Variants in CNTNAP5 observed in about 807,000 individuals in gnomAD.
CNTNAP5 encodes contactin-associated protein-like 5.
In CNTNAP5, 72 loss-of-function variants were observed where a neutral mutation model predicts 150.2. The observed-to-expected ratio is 0.48, with a 90% CI of 0.40 to 0.58. The LOEUF is 0.58. CNTNAP5 is among the 20% of genes least tolerant of loss of function. The probability of loss-of-function intolerance (pLI) is 0.00; values close to 1 mark genes in which losing one functional copy is unlikely to be tolerated. For missense variants in CNTNAP5, 1,636 were observed against 1,626.2 expected, an observed-to-expected ratio of 1.01 and a Z score of -0.10; for synonymous variants, 672 against 619.8, an observed-to-expected ratio of 1.08 and a Z score of -1.25.
chr2:124,567,458 C>G (rs1696049885), intron 11 of CNTNAP5, among the ~76,000 whole-genome samples: 2 of 152,134 alleles, frequency 1.3e-5, no homozygotes, highest in South Asian at 4.1e-4. Context: ...GCAGCTTTCC[C>G]ATATGAAGAG....
chr2:124,246,411 C>G (rs1687029849), intron 3 of CNTNAP5, among the ~76,000 whole-genome samples: 1 of 152,094 alleles, frequency 6.6e-6, no homozygotes, highest in South Asian at 2.1e-4. Flanking sequence ...ACTAAATAAT[C>G]AGGCATGAAG....
chr2:124,257,563 ATC>A (rs1254644071), intron 3 of CNTNAP5, among the ~76,000 whole-genome samples: 8 of 152,272 alleles, frequency 5.3e-5, no homozygotes, highest in African/African-American at 1.9e-4. Context: ...ATCTTTCAAG[ATC>A]TAGTTCAGCT....
intron 8 of CNTNAP5, among the ~76,000 whole-genome samples, chr2:124,523,424 G>A (rs1290216809): frequency 1.3e-5 from 2 of 152,130 alleles, no homozygotes; most frequent in African/African-American, 4.8e-5. Context: ...TTCTCAGCAA[G>A]CACTTTACAC....
intron 3 of CNTNAP5, among the ~76,000 whole-genome samples, chr2:124,321,653 G>A (rs1306848591): frequency 3.3e-5 from 5 of 152,054 alleles, no homozygotes; most frequent in Admixed American, 3.3e-4. Context: ...ATCTTGCAGT[G>A]GTGGTCTAGA....
At chr2:124,154,190 T>C (rs988956784) in intron 1 of CNTNAP5, among the ~76,000 whole-genome samples, 3 of 152,174 alleles carry the variant, frequency 2.0e-5, no homozygotes, top group Non-Finnish European at 4.4e-5. Flanking sequence ...GTGGGCCCTT[T>C]TGAGCCAGAA....
At chr2:124,633,694 G>T (rs1335171323) in intron 12 of CNTNAP5, among the ~76,000 whole-genome samples, 2 of 152,216 alleles carry the variant, frequency 1.3e-5, no homozygotes, top group Non-Finnish European at 2.9e-5. Flanking sequence ...CACTGCCCTA[G>T]TAGAGCTTCT....
intron 13 of CNTNAP5, among the ~76,000 whole-genome samples, chr2:124,714,933 C>T (rs1679913224): frequency 6.6e-6 from 1 of 152,156 alleles, no homozygotes; most frequent in Non-Finnish European, 1.5e-5. Context: ...ATCTTTTCAG[C>T]AGAACTCCAG....
chr2:124,911,062 G>A (rs1432430756), intron 22 of CNTNAP5, among the ~76,000 whole-genome samples: 4 of 151,644 alleles, frequency 2.6e-5, no homozygotes, highest in East Asian at 2.0e-4. Context: ...CAGCACTTTT[G>A]TTCTTTACTG....
In CNTNAP5 at chr2:124,221,735, T is replaced by C; in HGVS notation, c.113T>C (p.Leu38Pro). The stretch of plus-strand genomic sequence containing the variant: ...TGTGATGATCCACTAGCATCCCTGC[T>C]CTCTCCAATGGCTTTTTCCAGTTCC... ...YNCDDPLASL[L>P]SPMAFSSSSD... The change falls in exon 2 of 24, where the codon CTC becomes CCC. Residue 38 changes from leucine to proline, a missense_variant. Leu to Pro is a moderately conservative substitution (Grantham distance 98). Coordinates refer to ENST00000682447, the MANE Select transcript of CNTNAP5 (RefSeq NM_001367498.1). 6.2e-7 allele frequency: 1 copy of C among 1,611,734 alleles called. No homozygotes were observed. The highest frequency in any genetic ancestry group is 8.5e-7 in the Non-Finnish European group (1 of 1,178,696).
Position 124,446,904 on chromosome 2 carries a change from G to T in CNTNAP5, c.885G>T (p.Lys295Asn). 6.2e-7 allele frequency: 1 copy of T among 1,613,862 alleles called. No homozygotes were observed. Among genetic ancestry groups the T allele is most frequent in the South Asian group, 1.1e-5 (1 of 91,076 alleles). The change falls in exon 6 of 24, where the codon AAG becomes AAT. Residue 295 changes from lysine to asparagine, a missense_variant. Physicochemically the swap from Lys to Asn is moderately conservative, Grantham distance 94 (BLOSUM62 0). Transcript: ENST00000682447. The stretch of plus-strand genomic sequence containing the variant: ...AGCACACACAGCACTTCCGCACCAA[G>T]GGCGAGACGGATGCCTTAGACATTG... ...VDKHTQHFRT[K>N]GETDALDIDY...
chr2:124,221,144 T>C (rs186862323), intron 1 of CNTNAP5, among the ~76,000 whole-genome samples: 2 of 152,312 alleles, frequency 1.3e-5, no homozygotes, highest in East Asian at 3.9e-4. Flanking sequence ...TATTCACTAC[T>C]GCTTCACGGA....
intron 21 of CNTNAP5, among the ~76,000 whole-genome samples, chr2:124,898,249 A>G (rs1678346936): frequency 6.6e-6 from 1 of 151,462 alleles, no homozygotes; most frequent in South Asian, 2.1e-4. Flanking sequence ...GTGTTGTTAC[A>G]CTTCAGAATT....
At position 124,917,864 on chromosome 2, in the gene CNTNAP5, C is replaced by T. The variant is rs139986173; in HGVS notation, c.*3576C>T. Reference sequence around the variant, plus strand: ...TGTCCTAGAATGCAGCACAAGGTCCCGCACAATTATTTTTGTGAAGCATCT... The same window carrying T: ...TGTCCTAGAATGCAGCACAAGGTCCTGCACAATTATTTTTGTGAAGCATCT... On this transcript the variant is annotated 3_prime_UTR_variant, in exon 24 of 24. Coordinates refer to ENST00000682447, the MANE Select transcript of CNTNAP5 (RefSeq NM_001367498.1). 9.2e-3 allele frequency among the ~76,000 whole-genome samples: 1,398 copies of T among 152,076 alleles called. 13 individuals carry two copies. The highest frequency in any genetic ancestry group is 0.015 in the Admixed American group (228 of 15,226).
At chr2:124,468,825 C>T (rs1693439242) in intron 6 of CNTNAP5, among the ~76,000 whole-genome samples, 1 of 152,278 alleles carries the variant, frequency 6.6e-6, no homozygotes, top group South Asian at 2.1e-4. Flanking sequence ...AGTTGCCTGC[C>T]TCACACTGTG....
At chr2:124,568,882 A>T (rs1696090222) in intron 11 of CNTNAP5, among the ~76,000 whole-genome samples, 1 of 151,638 alleles carries the variant, frequency 6.6e-6, no homozygotes, top group Non-Finnish European at 1.5e-5. Context: ...CGTCTCTACT[A>T]AAAAAAATAC....
chr2:124,250,657 G>A (rs1687148727), intron 3 of CNTNAP5, among the ~76,000 whole-genome samples: 1 of 151,966 alleles, frequency 6.6e-6, no homozygotes, highest in Non-Finnish European at 1.5e-5. Context: ...GGGAGCTGGA[G>A]GAGGAGCCTG....
intron 19 of CNTNAP5, among the ~76,000 whole-genome samples, chr2:124,849,602 G>T (rs958119856): frequency 7.9e-5 from 12 of 152,104 alleles, no homozygotes; most frequent in African/African-American, 2.7e-4. Flanking sequence ...GAACTGCATT[G>T]AATTTGTAGC....
At chr2:124,223,273 A>G (rs866367572) in intron 2 of CNTNAP5, among the ~76,000 whole-genome samples, 1 of 152,116 alleles carries the variant, frequency 6.6e-6, no homozygotes, top group Non-Finnish European at 1.5e-5. Context: ...GGGGTGTAGC[A>G]GCAAGAAAAT....
chr2:124,425,450 T>C (rs917290759), intron 4 of CNTNAP5, among the ~76,000 whole-genome samples: 2 of 152,216 alleles, frequency 1.3e-5, no homozygotes, highest in Non-Finnish European at 2.9e-5. Flanking sequence ...AGGATGCTGC[T>C]GCCACAACAC....
Sources: allele counts gnomAD v4.1 joint callset (sites outside exome capture counted in the v4.1 genomes callset), GRCh38; gene constraint gnomAD v4.1.1; transcripts MANE v1.5; gene names NCBI Gene and HGNC (gene_info 2026-07-23, HGNC 2026-07-21).